Variants in PRKN observed in about 807,000 individuals in gnomAD.
The protein encoded by PRKN is E3 ubiquitin-protein ligase parkin.
Under a neutral mutation model 59.5 loss-of-function variants are expected in PRKN, and 56 were observed. The observed-to-expected ratio is 0.94, with a 90% CI of 0.76 to 1.18. PRKN has a LOEUF of 1.18. Ranked by LOEUF, PRKN falls within the 50% of genes most tolerant of loss-of-function variation. The pLI is 0.00. For missense variants in PRKN, 657 were observed against 596.4 expected, an observed-to-expected ratio of 1.10 and a Z score of -1.06; for synonymous variants, 250 against 222.1, an observed-to-expected ratio of 1.13 and a Z score of -1.12.
rs368410325 is a variant in PRKN, at chr6:161,471,106, C to T, written c.1083+77748G>A. Among the ~76,000 whole-genome samples the T allele has an allele frequency of 5.3e-5, 8 of 152,186 alleles. No individual in the cohort carries two copies. The highest frequency in any genetic ancestry group is 1.9e-4 in the African/African-American group (8 of 41,442). ...TTGAGATGAGGGCCATGTGAACCCA[C>T]ACTTGTCTTCTTATCCCAGGTCCTG... On this transcript the variant is annotated intron_variant, in intron 9 of 11. Coordinates refer to ENST00000366898, the MANE Select transcript of PRKN (RefSeq NM_004562.3). This position sits in a 1 kb window ranked among gnomAD's most constrained non-coding sequence, Gnocchi z 4.5.
intron 2 of PRKN, among the ~76,000 whole-genome samples, chr6:162,399,277 A>G (rs958314006): frequency 6.6e-6 from 1 of 152,204 alleles, no homozygotes; most frequent in African/African-American, 2.4e-5. Flanking sequence ...GGTCAAAATC[A>G]GAATGGGGTA....
At chr6:161,714,927 C>T (rs1786908491) in intron 7 of PRKN, among the ~76,000 whole-genome samples, 1 of 152,178 alleles carries the variant, frequency 6.6e-6, no homozygotes, top group Admixed American at 6.5e-5. Flanking sequence ...CAATAAACTT[C>T]CAGATGCCTG....
chr6:161,546,596 CT>C lies in PRKN; in HGVS notation c.1083+2257del, dbSNP rs544617053. On this transcript the variant is annotated intron_variant, in intron 9 of 11. Transcript: ENST00000366898. This position sits in a 1 kb window ranked among gnomAD's most constrained non-coding sequence, Gnocchi z 4.4. ...TCCTTTAGAAAATCACTTCTCTGTT[CT>C]TTTTTCAGCTTCTTCAAATTGCAAA... Among the ~76,000 whole-genome samples the C allele has an allele frequency of 1.2e-3, 188 of 152,204 alleles. 2 individuals are homozygous for C. The highest frequency in any genetic ancestry group is 1.5e-3 in the Admixed American group (23 of 15,282).
rs1370115802 is a variant in PRKN at position 161,400,605 on chromosome 6, C to T, written c.1084-13728G>A. On this transcript the variant is annotated intron_variant, in intron 9 of 11. Coordinates refer to ENST00000366898, the MANE Select transcript of PRKN (RefSeq NM_004562.3). The surrounding 1 kb of genome is among the most constrained non-coding windows in gnomAD (Gnocchi z 4.2). ...CTGGGATTACAGGCATGAGCCACCA[C>T]GCTCGGCCGAAAATTAAACGTATTC... Among the ~76,000 whole-genome samples the T allele has an allele frequency of 3.3e-5, 5 of 152,068 alleles. No homozygotes were observed. Among genetic ancestry groups the T allele is most frequent in the Admixed American group, 6.6e-5 (1 of 15,264 alleles).
At chr6:161,605,335 TATAG>T (rs1782239154) in intron 7 of PRKN, among the ~76,000 whole-genome samples, 1 of 152,164 alleles carries the variant, frequency 6.6e-6, no homozygotes, top group South Asian at 2.1e-4. Flanking sequence ...TACATGTACA[TATAG>T]AATGTACATG....
intron 4 of PRKN, among the ~76,000 whole-genome samples, chr6:162,079,655 T>A (rs1778979257): frequency 6.6e-6 from 1 of 152,048 alleles, no homozygotes. Context: ...TCTTTTCTCA[T>A]CTGCCCACTT....
chr6:162,574,535 C>T (rs549568142), intron 1 of PRKN, among the ~76,000 whole-genome samples: 3 of 152,068 alleles, frequency 2.0e-5, no homozygotes, highest in South Asian at 2.1e-4. Flanking sequence ...TTGAATATTT[C>T]GTCACTAGAA....
intron 7 of PRKN, among the ~76,000 whole-genome samples, chr6:161,762,093 C>G (rs1789227817): frequency 6.6e-6 from 1 of 152,098 alleles, no homozygotes; most frequent in Non-Finnish European, 1.5e-5. Context: ...AACAGGCACA[C>G]ATGAAGTCGT....
chr6:161,609,039 C>T (rs1051191708), intron 7 of PRKN, among the ~76,000 whole-genome samples: 4 of 152,144 alleles, frequency 2.6e-5, no homozygotes, highest in African/African-American at 9.7e-5. Context: ...GCTGCTCACT[C>T]CTTAACTAAG....
At chr6:162,557,101 G>A (rs796333447) in intron 1 of PRKN, among the ~76,000 whole-genome samples, 3 of 152,320 alleles carry the variant, frequency 2.0e-5, no homozygotes, top group African/African-American at 7.2e-5. Flanking sequence ...CAGCACAGAA[G>A]CCAGGACAAC....
rs553295040 is a variant in PRKN at position 161,364,163 on chromosome 6, C to T, written c.1168-3958G>A. 3.3e-3 allele frequency among the ~76,000 whole-genome samples: 403 copies of T among 121,364 alleles called. 1 individual carries two copies. Among genetic ancestry groups the T allele is most frequent in the Admixed American group, 6.3e-3 (68 of 10,738 alleles). The allele number at this position is 121,364 out of a possible 152,430, so 79.6% of individuals were successfully genotyped here. A position where few individuals can be genotyped will look rare whatever the true frequency, so the allele number is the denominator to read the frequency against. Reference sequence around the variant, plus strand: ...CAGCCTGGGCAGCAGAGGGAGACTCCGTCTCAAAAAAAAAAAAAAAAAAAG... The same window carrying T: ...CAGCCTGGGCAGCAGAGGGAGACTCTGTCTCAAAAAAAAAAAAAAAAAAAG... On this transcript the variant is annotated intron_variant, in intron 10 of 11. Transcript: ENST00000366898.
intron 6 of PRKN, among the ~76,000 whole-genome samples, chr6:161,957,409 G>GTTGTTTTTTTTTTTTTTT (rs1562418017): frequency 7.8e-6 from 1 of 127,392 alleles, no homozygotes. Flanking sequence ...TGTTCTTGTT[G>GTTGTTTTTTTTTTTTTTT]TTTTTTTTTT....
intron 4 of PRKN, among the ~76,000 whole-genome samples, chr6:162,133,970 G>GT (rs1477886700): frequency 6.6e-6 from 1 of 152,146 alleles, no homozygotes; most frequent in Non-Finnish European, 1.5e-5. Context: ...GTAGTAGATG[G>GT]TAAGTGTGAA....
At chr6:162,479,522 C>T (rs1038456463) in intron 1 of PRKN, among the ~76,000 whole-genome samples, 4 of 152,124 alleles carry the variant, frequency 2.6e-5, no homozygotes, top group African/African-American at 9.7e-5. Context: ...AGCCACCATG[C>T]CTGGCCTATC....
intron 4 of PRKN, among the ~76,000 whole-genome samples, chr6:162,134,145 A>C (rs187389625): frequency 6.6e-6 from 1 of 152,274 alleles, no homozygotes. Flanking sequence ...ATGGATTTGC[A>C]AGGGAGACAC....
intron 2 of PRKN, among the ~76,000 whole-genome samples, chr6:162,334,383 A>G (rs1265464272): frequency 6.6e-6 from 1 of 152,192 alleles, no homozygotes; most frequent in Non-Finnish European, 1.5e-5. Context: ...AGCTGGTTTA[A>G]AGCCAATGCT....
intron 5 of PRKN, among the ~76,000 whole-genome samples, chr6:162,015,170 T>C (rs1462685764): frequency 1.3e-5 from 2 of 152,100 alleles, no homozygotes; most frequent in African/African-American, 4.8e-5. Context: ...GTGGGGAAGG[T>C]TTCTTTGACT....
chr6:161,957,406 G>GTTTT (rs1157574100), intron 6 of PRKN, among the ~76,000 whole-genome samples: 4 of 131,500 alleles, frequency 3.0e-5, no homozygotes, highest in African/African-American at 1.2e-4. Context: ...TGTTGTTCTT[G>GTTTT]TTGTTTTTTT....
intron 4 of PRKN, among the ~76,000 whole-genome samples, chr6:162,181,869 T>C (rs968475811): frequency 5.3e-5 from 8 of 152,136 alleles, no homozygotes; most frequent in African/African-American, 1.4e-4. Context: ...TTCTGAAAGG[T>C]TAAGGATCTT....
Sources: gnomAD v4.1 joint callset for allele counts (sites outside exome capture counted in the v4.1 genomes callset) on GRCh38, gnomAD v4.1.1 for gene constraint, Gnocchi (gnomAD v3.1) non-coding constraint, MANE v1.5 for transcripts, NCBI Gene and HGNC (gene_info 2026-07-23, HGNC 2026-07-21) for gene names.